GDA: variants seen among roughly 807,000 people sequenced by gnomAD.
The protein encoded by GDA is guanine deaminase.
Under a neutral mutation model 59.6 loss-of-function variants are expected in GDA, and 18 were observed. The observed-to-expected ratio is 0.30, with a 90% CI of 0.21 to 0.45. The LOEUF is 0.45. GDA is among the 20% of genes least tolerant of loss of function. The pLI is 1.00. For missense variants in GDA, 427 were observed against 552.3 expected (o/e 0.77, Z 2.27); for synonymous variants, 201 against 201.1 (o/e 1.00, Z 0.00).
intron 11 of GDA, among the ~76,000 whole-genome samples, chr9:72,242,711 T>C (rs1839759480): frequency 1.3e-5 from 2 of 152,204 alleles, no homozygotes; most frequent in Non-Finnish European, 2.9e-5. Flanking sequence ...TCCCAAAGTA[T>C]TATGGTTCAT....
chr9:72,231,861 C>T (rs1182224982), intron 10 of GDA, among the ~76,000 whole-genome samples: 1 of 152,196 alleles, frequency 6.6e-6, no homozygotes, highest in Middle Eastern at 3.2e-3. Flanking sequence ...CAATCTATGA[C>T]AGAATTGAGA....
chr9:72,231,613 C>G (rs547032744), intron 10 of GDA, among the ~76,000 whole-genome samples: 2 of 151,750 alleles, frequency 1.3e-5, no homozygotes, highest in South Asian at 4.2e-4. Flanking sequence ...TTTGATGATA[C>G]TGACCTCCTG....
upstream of GDA, among the ~76,000 whole-genome samples, chr9:72,148,664 G>C (rs1826804782): frequency 6.6e-6 from 1 of 152,076 alleles, no homozygotes; most frequent in Non-Finnish European, 1.5e-5. Flanking sequence ...CATTGTGTAG[G>C]GTGGGAACGC....
intron 1 of GDA, among the ~76,000 whole-genome samples, chr9:72,172,596 G>A (rs1273200608): frequency 2.0e-5 from 3 of 152,096 alleles, no homozygotes; most frequent in Non-Finnish European, 4.4e-5. Flanking sequence ...AGTAAAGGCT[G>A]GGGTTTAGGG....
intron 1 of GDA, among the ~76,000 whole-genome samples, chr9:72,176,085 G>A (rs986974770): frequency 6.6e-6 from 1 of 152,186 alleles, no homozygotes; most frequent in Admixed American, 6.5e-5. Flanking sequence ...GGAGGTAAGA[G>A]GTCCCAGGCA....
intron 5 of GDA, among the ~76,000 whole-genome samples, chr9:72,217,425 G>A (rs750780950): frequency 6.6e-6 from 1 of 152,102 alleles, no homozygotes; most frequent in African/African-American, 2.4e-5. Context: ...ACCAAAAAAC[G>A]CCTGAGAAGC....
In GDA at chr9:72,199,945, C is replaced by T. The variant is rs572377409; in HGVS notation, c.213-2626C>T. On this transcript the variant is annotated intron_variant, in intron 2 of 13. Transcript: ENST00000358399. ...TTCCTTCCACAGAGAACTCTGGCAT[C>T]GCCAACTTCTAGAGTTACCTATATA... Among the ~76,000 whole-genome samples, 6 of 151,756 alleles carry T rather than the reference C, an allele frequency of 4.0e-5. No individual in the cohort carries two copies. In the South Asian group the frequency reaches 6.3e-4, roughly 16 times the overall value.
Position 72,251,092 on chromosome 9 carries a change from A to C in GDA, c.*2750A>C. The C allele has an allele frequency of 2.4e-6, 1 of 411,806 alleles. No individual in the cohort carries two copies. Among genetic ancestry groups the C allele is most frequent in the Non-Finnish European group, 4.4e-6 (1 of 228,144 alleles). 25.5% of individuals were successfully genotyped at this position (411,806 alleles called of 1,614,324 possible). ...GGAGATATTGGAACAGGCTCCCTTC[A>C]TGCCAAGGGTCTTTCTAAGTTAATA... On this transcript the variant is annotated 3_prime_UTR_variant, in exon 14 of 14. Transcript: ENST00000358399.
chr9:72,137,242 C>CTTTTT (rs143364725), intron 1 of GDA, among the ~76,000 whole-genome samples: 25 of 84,516 alleles, frequency 3.0e-4, no homozygotes, highest in Admixed American at 5.7e-4. Flanking sequence ...TTCTTTTTTT[C>CTTTTT]TTTTTTTTTT....
chr9:72,167,479 A>G (rs1829455848), intron 1 of GDA, among the ~76,000 whole-genome samples: 1 of 152,186 alleles, frequency 6.6e-6, no homozygotes, highest in Non-Finnish European at 1.5e-5. Context: ...TTTAAGAAAT[A>G]AAGGATTCCT....
intron 1 of GDA, among the ~76,000 whole-genome samples, chr9:72,191,400 C>T (rs1243651824): frequency 2.0e-5 from 3 of 151,422 alleles, no homozygotes; most frequent in Admixed American, 2.0e-4. Flanking sequence ...AATCTAACCT[C>T]GACAAGGAAA....
At chr9:72,242,439 T>C (rs963585219) in intron 11 of GDA, among the ~76,000 whole-genome samples, 25 of 152,330 alleles carry the variant, frequency 1.6e-4, no homozygotes, top group Admixed American at 1.2e-3. Context: ...GAATGGATGA[T>C]AGTGAAACAC....
chr9:72,137,205 T>TAAA (rs1491370329), intron 1 of GDA, among the ~76,000 whole-genome samples: 1,261 of 51,058 alleles, frequency 0.025, 24 homozygotes, highest in African/African-American at 0.067. Flanking sequence ...AATAAATAAA[T>TAAA]TAAAAAAAAA....
chr9:72,174,761 TAGAG>T (rs903544285), intron 1 of GDA, among the ~76,000 whole-genome samples: 79 of 145,724 alleles, frequency 5.4e-4, no homozygotes, highest in African/African-American at 2.0e-3. Flanking sequence ...TATATATATA[TAGAG>T]AGAGAGAGAG....
chr9:72,198,428 A>G (rs180875630), intron 2 of GDA, among the ~76,000 whole-genome samples: 9 of 151,644 alleles, frequency 5.9e-5, no homozygotes, highest in African/African-American at 2.2e-4. Flanking sequence ...AGTCCCAGCT[A>G]CTCGGGAGGC....
chr9:72,248,650 CT>C lies in GDA; in HGVS notation c.*313del. On this transcript the variant is annotated 3_prime_UTR_variant, in exon 14 of 14. Transcript: ENST00000358399. ...TCCTACGGTAAGACTTAAGCAAAGC[CT>C]TTTTCATATTTGAAAATGTGGAAAG... 1 of 1,069,566 alleles carries C rather than the reference CT, an allele frequency of 9.3e-7. No individual in the cohort carries two copies. Among genetic ancestry groups the C allele is most frequent in the Non-Finnish European group, 1.1e-6 (1 of 883,638 alleles). 66.3% of individuals were successfully genotyped at this position (1,069,566 alleles called of 1,614,324 possible).
chr9:72,202,916 G>C (rs1389405463), intron 3 of GDA, among the ~76,000 whole-genome samples, 174 bp downstream of exon 3: 5 of 152,322 alleles, frequency 3.3e-5, no homozygotes, highest in African/African-American at 1.2e-4. Flanking sequence ...CACCTACACA[G>C]CTAGTCAGTG....
upstream of GDA, among the ~76,000 whole-genome samples, chr9:72,145,156 C>T (rs7850968): frequency 6.6e-6 from 1 of 152,112 alleles, no homozygotes; most frequent in African/African-American, 2.4e-5. Context: ...GATTGGATTC[C>T]TGTTTTTCTC....
chr9:72,150,318 TAC>T (rs112713655), intron 1 of GDA, among the ~76,000 whole-genome samples: 82 of 148,774 alleles, frequency 5.5e-4, no homozygotes, highest in East Asian at 2.4e-3. Flanking sequence ...CACACACGCG[TAC>T]ACACACACAC....
Sources: gnomAD v4.1 joint callset for allele counts (sites outside exome capture counted in the v4.1 genomes callset) on GRCh38, gnomAD v4.1.1 for gene constraint, MANE v1.5 for transcripts, NCBI Gene and HGNC (gene_info 2026-07-23, HGNC 2026-07-21) for gene names.